MAD1L1: variants seen among roughly 807,000 people sequenced by gnomAD.
MAD1L1 encodes the protein mitotic arrest deficient 1 like 1.
Under a neutral mutation model 96.9 loss-of-function variants are expected in MAD1L1, and 95 were observed. The observed-to-expected ratio is 0.98, with a 90% CI of 0.83 to 1.16. The LOEUF is 1.16. Among genes scored for constraint, MAD1L1 ranks in the 50% most tolerant of loss-of-function variants. MAD1L1 has a pLI of 0.00. For synonymous variants in MAD1L1, 473 were observed against 396.6 expected, an observed-to-expected ratio of 1.19 and a Z score of -2.29; for missense variants, 1,007 against 954.4, an observed-to-expected ratio of 1.06 and a Z score of -0.73.
intron 18 of MAD1L1, among the ~76,000 whole-genome samples, chr7:1,870,157 C>A (rs567467389): frequency 6.6e-6 from 1 of 152,048 alleles, no homozygotes; most frequent in East Asian, 1.9e-4. Flanking sequence ...TGGCAGCTCA[C>A]GATGTGTCAC....
At chr7:2,118,566 A>T (rs2128559999) in intron 11 of MAD1L1, among the ~76,000 whole-genome samples, 2 of 152,360 alleles carry the variant, frequency 1.3e-5, no homozygotes, top group East Asian at 3.9e-4. Context: ...TTTTCTCCCC[A>T]GCAAGCACTA....
intron 17 of MAD1L1, among the ~76,000 whole-genome samples, chr7:1,904,486 G>C (rs1241605758): frequency 1.2e-4 from 15 of 129,730 alleles, no homozygotes; most frequent in South Asian, 8.1e-4. Context: ...AGGCAGCGAG[G>C]ACGCAGTGGC....
rs1584263260 is a variant in MAD1L1, at chr7:2,076,912, C to T, written c.1074-7574G>A. On this transcript the variant is annotated intron_variant, in intron 11 of 18. Coordinates refer to ENST00000265854, the MANE Select transcript of MAD1L1 (RefSeq NM_001013836.2). ...AAGACAGGGTTACGACATAGTGAGC[C>T]CACAGCATGGTCAGCCCGAGACAGT... is the stretch of plus-strand genomic sequence containing the variant. 2.0e-5 allele frequency among the ~76,000 whole-genome samples: 3 copies of T among 149,750 alleles called. No individual in the cohort carries two copies. In the Admixed American group the frequency reaches 2.0e-4, roughly 10 times the overall value.
Position 2,103,684 on chromosome 7 carries a change from G to A in MAD1L1, c.1074-34346C>T, listed in dbSNP as rs1786937210. 6.6e-6 allele frequency among the ~76,000 whole-genome samples: 1 copy of A among 152,188 alleles called. No individual in the cohort carries two copies. The highest frequency in any genetic ancestry group is 1.5e-5 in the Non-Finnish European group (1 of 68,036). On this transcript the variant is annotated intron_variant, in intron 11 of 18. Coordinates refer to ENST00000265854, the MANE Select transcript of MAD1L1 (RefSeq NM_001013836.2). This position sits in a 1 kb window ranked among gnomAD's most constrained non-coding sequence, Gnocchi z 4.3. Reference sequence around the variant, plus strand: ...GGGGAGAAGGAGGGAGCGGCCACGAGGAGGAGCCAGGGAGGCGGCTACTCA... The same window carrying A: ...GGGGAGAAGGAGGGAGCGGCCACGAAGAGGAGCCAGGGAGGCGGCTACTCA...
At chr7:1,872,152 C>A (rs571033693) in intron 18 of MAD1L1, among the ~76,000 whole-genome samples, 2 of 152,328 alleles carry the variant, frequency 1.3e-5, no homozygotes, top group South Asian at 4.1e-4. Flanking sequence ...TGTCCCGCGA[C>A]AGAGAGGCTG....
intron 16 of MAD1L1, among the ~76,000 whole-genome samples, chr7:1,955,631 G>C (rs1418453345): frequency 6.6e-6 from 1 of 152,164 alleles, no homozygotes; most frequent in Non-Finnish European, 1.5e-5. Context: ...TTAGGTGTCT[G>C]GTGGGCAGGC....
rs969947266 is a variant in MAD1L1 at position 1,968,776 on chromosome 7, G to A, written c.1506-11057C>T. Among the ~76,000 whole-genome samples, 3 of 152,244 alleles carry A rather than the reference G, an allele frequency of 2.0e-5. No individual in the cohort carries two copies. The highest frequency in any genetic ancestry group is 7.2e-5 in the African/African-American group (3 of 41,464). ...CACATCACACAAGCTCGCTTCGGGG[G>A]CGTTCTAGGGACTCCTAAACATACT... On this transcript the variant is annotated intron_variant, in intron 15 of 18. Coordinates refer to ENST00000265854, the MANE Select transcript of MAD1L1 (RefSeq NM_001013836.2). The surrounding 1 kb of genome is among the most constrained non-coding windows in gnomAD (Gnocchi z 5.6).
intron 16 of MAD1L1, among the ~76,000 whole-genome samples, chr7:1,941,966 G>A (rs571642350): frequency 6.6e-6 from 1 of 152,168 alleles, no homozygotes; most frequent in Admixed American, 6.5e-5. Flanking sequence ...CCTGGAGAAG[G>A]CAGAGCCCCT....
intron 14 of MAD1L1, chr7:1,980,801 G>C: frequency 1.7e-6 from 1 of 590,090 alleles, no homozygotes; most frequent in South Asian, 1.5e-5. Context: ...GAGGTGTGTG[G>C]GGTGCATGTG....
chr7:2,116,572 G>C (rs548789328), intron 11 of MAD1L1, among the ~76,000 whole-genome samples: 6 of 151,196 alleles, frequency 4.0e-5, no homozygotes, highest in South Asian at 4.3e-4. Context: ...AGGGTTGGGG[G>C]GGGGGGGGGC....
intron 11 of MAD1L1, among the ~76,000 whole-genome samples, chr7:2,111,591 G>T (rs1481586479): frequency 2.0e-5 from 3 of 152,236 alleles, no homozygotes; most frequent in South Asian, 4.1e-4. Context: ...ACTCCATGAT[G>T]ACCACAAGTC....
intron 18 of MAD1L1, among the ~76,000 whole-genome samples, chr7:1,858,204 T>C (rs540053507): frequency 1.1e-4 from 16 of 152,314 alleles, no homozygotes; most frequent in African/African-American, 3.8e-4. Context: ...TCGGTGGCAG[T>C]GTTGGGAGTC....
chr7:1,956,650 C>CCA (rs1199484372), intron 16 of MAD1L1, among the ~76,000 whole-genome samples: 1 of 152,224 alleles, frequency 6.6e-6, no homozygotes, highest in African/African-American at 2.4e-5. Context: ...GCCAGCCACT[C>CCA]CTCATGCCAA....
chr7:1,899,310 T>C (rs1024463384), intron 17 of MAD1L1, among the ~76,000 whole-genome samples: 5 of 152,144 alleles, frequency 3.3e-5, no homozygotes, highest in African/African-American at 1.2e-4. Context: ...CACAGAGCCG[T>C]CCCCTAGGCC....
rs577479069 is a variant in MAD1L1 at position 2,201,669 on chromosome 7, A to G, written c.986+11543T>C. On this transcript the variant is annotated intron_variant, in intron 10 of 18. Transcript: ENST00000265854. ...AGCCCCAAAAAGAGCTCCGAGACCA[A>G]GTGATAGCGTTTCCACCCGGACACG... Among the ~76,000 whole-genome samples, 13 of 152,320 alleles carry G rather than the reference A, an allele frequency of 8.5e-5. No homozygotes were observed. The South Asian group carries it at 1.2e-3, about 15-fold the overall frequency.
At chr7:2,208,289 G>A (rs529357851) in intron 10 of MAD1L1, among the ~76,000 whole-genome samples, 2 of 151,808 alleles carry the variant, frequency 1.3e-5, no homozygotes, top group East Asian at 1.9e-4. Flanking sequence ...TAAACCTCAC[G>A]GTTTAGTCCT....
intron 11 of MAD1L1, among the ~76,000 whole-genome samples, chr7:2,140,442 C>T (rs960046785): frequency 5.3e-5 from 8 of 152,354 alleles, no homozygotes; most frequent in South Asian, 2.1e-4. Flanking sequence ...TAGCTGCAGC[C>T]GCAGCCGCAA....
chr7:2,219,457 C>A lies in MAD1L1; in HGVS notation c.472-1G>T. 6.2e-7 allele frequency: 1 copy of A among 1,613,408 alleles called. No homozygotes were observed. ...TCCTCCCCTTCAGTGCGTTGATGGT[C>A]TAAAAGTAGAGGGGACCAGAGAGCC... On this transcript the variant is annotated splice_acceptor_variant, in intron 5 of 18. Transcript: ENST00000265854. LOFTEE classifies it high-confidence loss of function.
At position 2,202,625 on chromosome 7, in the gene MAD1L1, C is replaced by T. The variant is rs578239865; in HGVS notation, c.986+10587G>A. On this transcript the variant is annotated intron_variant, in intron 10 of 18. Coordinates refer to ENST00000265854, the MANE Select transcript of MAD1L1 (RefSeq NM_001013836.2). ...AGAAGGCCAAACGCTTCTCCCCCTC[C>T]TCCTCCCATGCCCCAAAGAAAACCA... Among the ~76,000 whole-genome samples, 21 of 152,358 alleles carry T rather than the reference C, an allele frequency of 1.4e-4. No individual in the cohort carries two copies. The South Asian group carries it at 4.1e-3, about 30-fold the overall frequency.
Sources: allele counts gnomAD v4.1 joint callset (sites outside exome capture counted in the v4.1 genomes callset), GRCh38; gene constraint gnomAD v4.1.1; non-coding constraint Gnocchi (gnomAD v3.1); transcripts MANE v1.5; gene names NCBI Gene and HGNC (gene_info 2026-07-23, HGNC 2026-07-21).